SHANK2: variants seen among roughly 807,000 people sequenced by gnomAD.
SHANK2 encodes the protein SH3 and multiple ankyrin repeat domains 2.
In SHANK2, 43 loss-of-function variants were observed where a neutral mutation model predicts 133.7. That is an observed-to-expected ratio of 0.32 (90% CI 0.25 to 0.41). The LOEUF (loss-of-function observed/expected upper bound fraction) is 0.41, where lower values mean the gene tolerates loss of function less well. Ranked by LOEUF, SHANK2 falls within the 10% of genes least tolerant of loss-of-function variation. The pLI, the probability that SHANK2 is intolerant of heterozygous loss-of-function variation, is 1.00. For missense variants in SHANK2, 1,994 were observed against 2,235.8 expected (o/e 0.89, Z 2.18); for synonymous variants, 1,017 against 952.8 (o/e 1.07, Z -1.24).
chr11:71,238,503 C>G (rs181017932), intron 1 of SHANK2, among the ~76,000 whole-genome samples: 1 of 152,354 alleles, frequency 6.6e-6, no homozygotes, highest in Non-Finnish European at 1.5e-5. Context: ...AGCAACACAG[C>G]AGAGCTGCTC....
intron 11 of SHANK2, among the ~76,000 whole-genome samples, chr11:70,893,652 GT>G (rs1441053054): frequency 6.6e-6 from 1 of 152,058 alleles, no homozygotes; most frequent in Non-Finnish European, 1.5e-5. Flanking sequence ...GAAACAAGAG[GT>G]TTTTTTTCTT....
chr11:70,499,109 G>A (rs2059014037), intron 21 of SHANK2, among the ~76,000 whole-genome samples: 1 of 152,252 alleles, frequency 6.6e-6, no homozygotes, highest in Admixed American at 6.5e-5. Flanking sequence ...GAGGGGCCTG[G>A]AGCATTTGCC....
chr11:71,069,451 C>T (rs1229276307), intron 9 of SHANK2, among the ~76,000 whole-genome samples: 1 of 152,084 alleles, frequency 6.6e-6, no homozygotes, highest in East Asian at 1.9e-4. Flanking sequence ...ATCAGCACCA[C>T]CACCATCGCC....
Position 71,075,238 on chromosome 11 carries a change from A to G in SHANK2, c.950T>C (p.Leu317Pro). ...RYGHVQHLEH[L>P]LFYGADMSAQ... is the part of the protein sequence containing the mutation. ...ACTCATGTCTGCCCCGTAGAACAGC[A>G]GGTGCTCCAGGTGCTGCACGTGCCC... Residue 317 changes from leucine to proline, a missense_variant, in exon 9 of 26, where the codon CTG (leucine) becomes CCG (proline). Leu to Pro is a moderately conservative substitution (Grantham distance 98, BLOSUM62 -3). Coordinates refer to ENST00000601538, the MANE Select transcript of SHANK2 (RefSeq NM_012309.5). The G allele has an allele frequency of 4.1e-6, 1 of 246,842 alleles. No individual in the cohort carries two copies. Among genetic ancestry groups the G allele is most frequent in the Non-Finnish European group, 8.5e-6 (1 of 117,966 alleles). 15.3% of individuals were successfully genotyped at this position (246,842 alleles called of 1,614,324 possible). A position where few individuals can be genotyped will look rare whatever the true frequency, so the allele number is the denominator to read the frequency against.
intron 3 of SHANK2, among the ~76,000 whole-genome samples, chr11:71,134,641 T>C (rs1555104425): frequency 4.6e-5 from 7 of 152,062 alleles, no homozygotes; most frequent in Non-Finnish European, 8.8e-5. Flanking sequence ...AGTTTCACCA[T>C]GTTGGCCAGG....
chr11:70,710,959 G>T (rs76830243), intron 14 of SHANK2, among the ~76,000 whole-genome samples: 1 of 152,168 alleles, frequency 6.6e-6, no homozygotes, highest in Non-Finnish European at 1.5e-5. Flanking sequence ...TTTTCCTGAA[G>T]ATTTATCTGC....
At chr11:70,780,939 C>T (rs574912643) in intron 14 of SHANK2, among the ~76,000 whole-genome samples, 13 of 152,012 alleles carry the variant, frequency 8.6e-5, no homozygotes, top group African/African-American at 1.7e-4. Flanking sequence ...GTTGTTTTAA[C>T]GCAGGAGATT....
intron 17 of SHANK2, among the ~76,000 whole-genome samples, chr11:70,619,517 CT>C (rs1478829066): frequency 6.6e-6 from 1 of 152,210 alleles, no homozygotes; most frequent in African/African-American, 2.4e-5. Flanking sequence ...CCGTGATGAC[CT>C]CCTGATTGCA....
chr11:70,847,231 A>G (rs1299956590), intron 11 of SHANK2, among the ~76,000 whole-genome samples: 1 of 152,186 alleles, frequency 6.6e-6, no homozygotes, highest in East Asian at 1.9e-4. Flanking sequence ...ATGGAGTCCC[A>G]CCATGGCACC....
At chr11:70,649,061 CAGAG>C (rs1479219138) in intron 17 of SHANK2, among the ~76,000 whole-genome samples, 3 of 152,242 alleles carry the variant, frequency 2.0e-5, no homozygotes, top group Admixed American at 6.5e-5. Flanking sequence ...TTCCGGAGAC[CAGAG>C]AGAGTGTCCA....
intron 21 of SHANK2, among the ~76,000 whole-genome samples, chr11:70,498,977 T>G (rs1451710540): frequency 2.0e-5 from 3 of 152,110 alleles, no homozygotes; most frequent in Non-Finnish European, 4.4e-5. Context: ...ACTTTGGGGG[T>G]CACTTTTCAA....
chr11:70,659,772 T>C lies in SHANK2; in HGVS notation c.2061+56A>G, dbSNP rs149952886. On this transcript the variant is annotated intron_variant, in intron 17 of 25. Transcript: ENST00000601538. ...CTGTGCTGCCAGGACTACGACCCTCTCCCCGAGAGTCGGCGCTCTCCCCAA... is the reference window on the plus strand; with the variant it reads ...CTGTGCTGCCAGGACTACGACCCTCCCCCCGAGAGTCGGCGCTCTCCCCAA... 1.1e-4 allele frequency: 175 copies of C among 1,609,524 alleles called. No homozygotes were observed. In the East Asian group the frequency reaches 1.3e-3, roughly 12 times the overall value.
chr11:70,916,148 G>A (rs1378395670), intron 10 of SHANK2, among the ~76,000 whole-genome samples: 4 of 152,164 alleles, frequency 2.6e-5, no homozygotes, highest in African/African-American at 7.2e-5. Context: ...ATTCTAAACC[G>A]GGCAATGTGT....
At chr11:70,518,289 C>A (rs2135915143) in intron 17 of SHANK2, among the ~76,000 whole-genome samples, 1 of 152,278 alleles carries the variant, frequency 6.6e-6, no homozygotes, top group African/African-American at 2.4e-5. Flanking sequence ...ATTGCTCGAG[C>A]CTGGGAGATT....
intron 11 of SHANK2, among the ~76,000 whole-genome samples, chr11:70,825,758 C>A (rs1393166237): frequency 3.4e-5 from 5 of 146,890 alleles, no homozygotes; most frequent in Non-Finnish European, 6.0e-5. Context: ...CTAACTGGAA[C>A]CATCCATGGA....
chr11:71,214,463 T>C (rs1954357769), intron 2 of SHANK2, among the ~76,000 whole-genome samples: 2 of 152,222 alleles, frequency 1.3e-5, no homozygotes, highest in Admixed American at 6.5e-5. Context: ...CTTTCTTCTG[T>C]AGCCAAAAGA....
At chr11:71,192,633 T>C (rs538390587) in intron 2 of SHANK2, among the ~76,000 whole-genome samples, 1 of 152,302 alleles carries the variant, frequency 6.6e-6, no homozygotes, top group South Asian at 2.1e-4. Context: ...TGCCCCACCC[T>C]GGGTGGAAAA....
At chr11:70,498,147 C>T (rs1555157521) in intron 21 of SHANK2, among the ~76,000 whole-genome samples, 3 of 152,260 alleles carry the variant, frequency 2.0e-5, no homozygotes, top group Admixed American at 6.5e-5. Flanking sequence ...ACTGCTCTCT[C>T]CCCTTATGTG....
intron 11 of SHANK2, among the ~76,000 whole-genome samples, chr11:70,881,051 T>C (rs1949652064): frequency 6.6e-6 from 1 of 152,172 alleles, no homozygotes; most frequent in African/African-American, 2.4e-5. Context: ...TTCTTTTTGT[T>C]AATAGAAACA....
Sources: gnomAD v4.1 joint callset for allele counts (sites outside exome capture counted in the v4.1 genomes callset) on GRCh38, gnomAD v4.1.1 for gene constraint, MANE v1.5 for transcripts, NCBI Gene and HGNC (gene_info 2026-07-23, HGNC 2026-07-21) for gene names.